Variants in ZNF639 observed in about 807,000 individuals in gnomAD.
The protein encoded by ZNF639 is zinc finger protein 639, also known as zinc finger amplified in esophageal squamous cell carcinomas 1.
A neutral mutation model predicts 39.8 loss-of-function variants in ZNF639; 20 were observed. The observed-to-expected ratio is 0.50, with a 90% CI of 0.35 to 0.73. The LOEUF (loss-of-function observed/expected upper bound fraction) is 0.73. Ranked by LOEUF, ZNF639 falls within the 30% of genes least tolerant of loss-of-function variation. The pLI is 0.00. For synonymous variants in ZNF639, 176 were observed against 189.8 expected (o/e 0.93, Z 0.60); for missense variants, 477 against 566.2 (o/e 0.84, Z 1.60).
chr3:179,334,356 C>A lies in ZNF639; in HGVS notation c.1392C>A (p.Asp464Glu). The change falls in exon 6 of 6, where the codon GAC (aspartate) becomes GAA (glutamate). Residue 464 changes from aspartate (D) to glutamate (E), a missense_variant. Asp to Glu is a conservative substitution (Grantham distance 45). Transcript: ENST00000496856. ...HSADLPHKCSDCLMRFGNERE... is the reference protein window; with the variant it reads ...HSADLPHKCSECLMRFGNERE... The stretch of plus-strand genomic sequence containing the variant: ...CTGACTTGCCTCATAAATGTAGTGA[C>A]TGCTTGATGAGGTTTGGAAATGAAA... 1 of 1,604,984 alleles carries A rather than the reference C, an allele frequency of 6.2e-7. No homozygotes were observed. Among genetic ancestry groups the A allele is most frequent in the Non-Finnish European group, 8.5e-7 (1 of 1,176,444 alleles).
rs1437012541 is a variant in ZNF639 at position 179,333,026 on chromosome 3, A to G, written c.207A>G (p.Pro69=). The G allele has an allele frequency of 5.1e-6, 8 of 1,558,176 alleles. No individual in the cohort carries two copies. The highest frequency in any genetic ancestry group is 6.1e-6 in the Non-Finnish European group (7 of 1,150,102). ...ATACCGAGACGTCAAATGACTTGCCAAAATTTGCAGATGGAATCAAGGCCA... is the reference window on the plus strand; with the variant it reads ...ATACCGAGACGTCAAATGACTTGCCGAAATTTGCAGATGGAATCAAGGCCA... ...DSDTETSNDL[P]KFADGIKARN... Residue 69 remains proline (P), a synonymous_variant, in exon 5 of 6, where the codon CCA becomes CCG. Coordinates refer to ENST00000496856, the MANE Select transcript of ZNF639 (RefSeq NM_001303426.2).
At position 179,333,303 on chromosome 3, in the gene ZNF639, G is replaced by C; in HGVS notation, c.339G>C (p.Glu113Asp). 6.2e-7 allele frequency: 1 copy of C among 1,612,052 alleles called. No homozygotes were observed. The highest frequency in any genetic ancestry group is 1.3e-5 in the African/African-American group (1 of 74,942). The change falls in exon 6 of 6, where the codon GAG becomes GAC. Residue 113 changes from glutamate to aspartate, a missense_variant. Physicochemically the swap from Glu to Asp is conservative, Grantham distance 45 (BLOSUM62 2). Coordinates refer to ENST00000496856, the MANE Select transcript of ZNF639 (RefSeq NM_001303426.2). ...CTGATATTGTAATTTGTGATGAAGA[G>C]TGTGACTCACCTGAATCAGTCAACC... ...KSADIVICDEECDSPESVNQQ... is the reference protein window; with the variant it reads ...KSADIVICDEDCDSPESVNQQ...
At chr3:179,332,692 A>T (rs984960967) in intron 4 of ZNF639, among the ~76,000 whole-genome samples, 3 of 152,308 alleles carry the variant, frequency 2.0e-5, no homozygotes, top group African/African-American at 7.2e-5. Flanking sequence ...ACTTTGAAAC[A>T]CTGGGGCTGG....
rs1210757145 is a variant in ZNF639 at position 179,323,099 on chromosome 3, C to T, written c.-275C>T. 1.0e-6 allele frequency: 1 copy of T among 984,820 alleles called. No individual in the cohort carries two copies. Among genetic ancestry groups the T allele is most frequent in the Non-Finnish European group, 1.2e-6 (1 of 829,944 alleles). The allele number at this position is 984,820 out of a possible 1,614,324, so 61.0% of individuals were successfully genotyped here. On this transcript the variant is annotated 5_prime_UTR_variant, in exon 1 of 6. Transcript: ENST00000496856. Reference sequence around the variant, plus strand: ...CGGCCGCGGAGCCTAGGCCAGGGGCCTGGCGCTCAGGGCGTGGGGCGCGCG... The same window carrying T: ...CGGCCGCGGAGCCTAGGCCAGGGGCTTGGCGCTCAGGGCGTGGGGCGCGCG...
intron 3 of ZNF639, among the ~76,000 whole-genome samples, chr3:179,328,774 ATTTT>A (rs35129479): frequency 7.4e-6 from 1 of 135,496 alleles, no homozygotes. Flanking sequence ...TGAATGTGTA[ATTTT>A]TTTTTTTTTT....
Position 179,333,613 on chromosome 3 carries a change from T to C in ZNF639, c.649T>C (p.Ser217Pro). The C allele has an allele frequency of 6.2e-7, 1 of 1,614,174 alleles. No individual in the cohort carries two copies. Among genetic ancestry groups the C allele is most frequent in the East Asian group, 2.2e-5 (1 of 44,884 alleles). The change falls in exon 6 of 6, where the codon TCT (serine) becomes CCT (proline). Residue 217 changes from serine (S) to proline (P), a missense_variant. By Grantham distance (74) the Ser-to-Pro change is moderately conservative. Coordinates refer to ENST00000496856, the MANE Select transcript of ZNF639 (RefSeq NM_001303426.2). ...ELCEFNSKYF[S>P]DLKQHMILKH... ...TTGTGAGTTTAACAGCAAATATTTT[T>C]CTGACTTAAAGCAGCATATGATCCT...
At position 179,334,531 on chromosome 3, in the gene ZNF639, C is replaced by A; in HGVS notation, c.*109C>A. On this transcript the variant is annotated 3_prime_UTR_variant, in exon 6 of 6. Coordinates refer to ENST00000496856, the MANE Select transcript of ZNF639 (RefSeq NM_001303426.2). Reference sequence around the variant, plus strand: ...CACAACTTATGAAATCTGCCTTTAACAAGTAACTTTTTTAAATTATAAAAT... The same window carrying A: ...CACAACTTATGAAATCTGCCTTTAAAAAGTAACTTTTTTAAATTATAAAAT... 1.3e-6 allele frequency: 1 copy of A among 797,682 alleles called. No homozygotes were observed. The highest frequency in any genetic ancestry group is 1.8e-6 in the Non-Finnish European group (1 of 558,404). The allele number at this position is 797,682 out of a possible 1,614,324, so 49.4% of individuals were successfully genotyped here.
chr3:179,327,296 A>T (rs1320763133), intron 1 of ZNF639, among the ~76,000 whole-genome samples: 1 of 152,368 alleles, frequency 6.6e-6, no homozygotes, highest in East Asian at 1.9e-4. Flanking sequence ...CAAAAGATTT[A>T]ACTATAGGTC....
rs781148539 is a variant in ZNF639, at chr3:179,333,091, T to G, written c.272T>G (p.Leu91Arg). The G allele has an allele frequency of 6.2e-7, 1 of 1,602,580 alleles. No homozygotes were observed. Among genetic ancestry groups the G allele is most frequent in the South Asian group, 1.1e-5 (1 of 89,542 alleles). The change falls in exon 5 of 6, where the codon CTT becomes CGT. Residue 91 changes from leucine (L) to arginine (R), a missense_variant. Transcript: ENST00000496856. ...AACTACCTGGTTCCCAGTCCTGTAC[T>G]TAGAATTCTAGACCACACTGCCTTT... is the stretch of plus-strand genomic sequence containing the variant. Reference protein sequence around the residue: ...NQNYLVPSPVLRILDHTAFST... With the variant: ...NQNYLVPSPVRRILDHTAFST...
At chr3:179,323,935 T>C (rs760985704) in intron 1 of ZNF639, 1 of 152,252 alleles carries the variant, frequency 6.6e-6, no homozygotes, top group African/African-American at 2.4e-5. Context: ...TTTGTTTTTT[T>C]CGAAGAGAAA....
At chr3:179,324,647 G>C (rs369613622) in intron 1 of ZNF639, among the ~76,000 whole-genome samples, 1 of 152,142 alleles carries the variant, frequency 6.6e-6, no homozygotes, top group Non-Finnish European at 1.5e-5. Flanking sequence ...GTTATCGTTC[G>C]GCCCTAAGTA....
rs1208461808 is a variant in ZNF639 at position 179,332,989 on chromosome 3, A to T, written c.170A>T (p.Asp57Val). ...TATTCTTCCAAATCCCTTTTTACAG[A>T]TGATGATTCTGATACCGAGACGTCA... Reference protein sequence around the residue: ...QPDLKYFDNKDDDSDTETSND... With the variant: ...QPDLKYFDNKVDDSDTETSND... The change falls in exon 5 of 6, where the codon GAT (aspartate) becomes GTT (valine). Residue 57 changes from aspartate to valine, a missense_variant and splice_region_variant. Coordinates refer to ENST00000496856, the MANE Select transcript of ZNF639 (RefSeq NM_001303426.2). 1 of 1,544,076 alleles carries T rather than the reference A, an allele frequency of 6.5e-7. No homozygotes were observed. Among genetic ancestry groups the T allele is most frequent in the Middle Eastern group, 1.7e-4 (1 of 5,956 alleles).
intron 1 of ZNF639, among the ~76,000 whole-genome samples, chr3:179,323,499 C>T (rs948463155): frequency 7.9e-5 from 12 of 152,188 alleles, no homozygotes; most frequent in Admixed American, 7.8e-4. Context: ...TGGCCGGGCT[C>T]CCCTCGGCCC....
chr3:179,328,326 G>A lies in ZNF639; in HGVS notation c.33G>A (p.Lys11=). 2 of 1,587,352 alleles carry A rather than the reference G, an allele frequency of 1.3e-6. No individual in the cohort carries two copies. The highest frequency in any genetic ancestry group is 1.7e-6 in the Non-Finnish European group (2 of 1,168,348). MNEYPKKRKR[K]TLHPSRYSDS... Reference sequence around the variant, plus strand: ...AGTATCCTAAAAAAAGAAAAAGGAAGACTCTACACCCTTCTCGTTATTCAG... The same window carrying A: ...AGTATCCTAAAAAAAGAAAAAGGAAAACTCTACACCCTTCTCGTTATTCAG... Residue 11 remains lysine, a synonymous_variant, in exon 3 of 6, where the codon AAG becomes AAA. Coordinates refer to ENST00000496856, the MANE Select transcript of ZNF639 (RefSeq NM_001303426.2).
upstream of ZNF639, chr3:179,322,948 G>A (rs916854261): frequency 3.0e-6 from 3 of 985,064 alleles, no homozygotes; most frequent in East Asian, 2.3e-4. Context: ...GTCCCTCCCA[G>A]GCCGCGTGTG....
At chr3:179,328,184 A>AT in intron 2 of ZNF639, 99 bp from the exon 3 acceptor site, 1 of 633,890 alleles carries the variant, frequency 1.6e-6, no homozygotes, top group Non-Finnish European at 2.7e-6. Flanking sequence ...GGTGGCTCAC[A>AT]TATTTCATAT....
At position 179,333,456 on chromosome 3, in the gene ZNF639, A is replaced by C; in HGVS notation, c.492A>C (p.Gln164His). Residue 164 changes from glutamine (Q) to histidine (H), a missense_variant, in exon 6 of 6, where the codon CAA becomes CAC. Transcript: ENST00000496856. Reference protein sequence around the residue: ...ETENNSSESLQDQTDEEPPAK... With the variant: ...ETENNSSESLHDQTDEEPPAK... The stretch of plus-strand genomic sequence containing the variant: ...AAAACAATTCCTCTGAGAGTCTCCA[A>C]GACCAAACTGATGAAGAACCGCCAG... The C allele has an allele frequency of 6.2e-7, 1 of 1,614,182 alleles. No individual in the cohort carries two copies. The highest frequency in any genetic ancestry group is 1.1e-5 in the South Asian group (1 of 91,080).
rs1015815282 is a variant in ZNF639 at position 179,336,869 on chromosome 3, T to C, written c.*2447T>C. 6.6e-6 allele frequency: 1 copy of C among 152,254 alleles called. No individual in the cohort carries two copies. The highest frequency in any genetic ancestry group is 2.4e-5 in the African/African-American group (1 of 41,472). The allele number at this position is 152,254 out of a possible 1,614,324, so 9.4% of individuals were successfully genotyped here. A position where few individuals can be genotyped will look rare whatever the true frequency, so the allele number is the denominator to read the frequency against. On this transcript the variant is annotated 3_prime_UTR_variant, in exon 6 of 6. Coordinates refer to ENST00000496856, the MANE Select transcript of ZNF639 (RefSeq NM_001303426.2). Reference sequence around the variant, plus strand: ...CTTTTTATACATCTAGCTCCAGGAATTGGATTTTTGGAAAAACACCTTAAG... The same window carrying C: ...CTTTTTATACATCTAGCTCCAGGAACTGGATTTTTGGAAAAACACCTTAAG...
Position 179,334,000 on chromosome 3 carries a change from GAGT to G in ZNF639, c.1037_1039del (p.Glu346_Leu347delinsVal). 1.9e-6 allele frequency: 3 copies of G among 1,614,156 alleles called. No homozygotes were observed. The highest frequency in any genetic ancestry group is 2.5e-6 in the Non-Finnish European group (3 of 1,180,032). On this transcript the variant is annotated inframe_deletion, in exon 6 of 6. Coordinates refer to ENST00000496856, the MANE Select transcript of ZNF639 (RefSeq NM_001303426.2). ...AAATGAGCATGCATGTAAATTAATA[GAGT>G]TAAGTGATAAGTATAACAATGGTGA...
Sources: gnomAD v4.1 joint callset for allele counts (sites outside exome capture counted in the v4.1 genomes callset) on GRCh38, gnomAD v4.1.1 for gene constraint, MANE v1.5 for transcripts, NCBI Gene and HGNC (gene_info 2026-07-23, HGNC 2026-07-21) for gene names.